The following ARHGAP26 variants were observed in gnomAD, a reference collection of about 807,000 sequenced individuals.
ARHGAP26 encodes rho GTPase-activating protein 26.
ARHGAP26 carries 38 observed loss-of-function variants against 104.8 expected under a neutral mutation model. The ratio of observed to expected loss-of-function variants is 0.36; its 90% CI spans 0.28 to 0.48. The LOEUF (loss-of-function observed/expected upper bound fraction) is 0.48, where lower values mean the gene tolerates loss of function less well. Among genes scored for constraint, ARHGAP26 ranks in the 20% least tolerant of loss-of-function variants. The pLI, the probability that ARHGAP26 is intolerant of heterozygous loss-of-function variation, is 0.99. For missense variants in ARHGAP26, 704 were observed against 947.9 expected, an observed-to-expected ratio of 0.74 and a Z score of 3.38; for synonymous variants, 341 against 340.0, an observed-to-expected ratio of 1.00 and a Z score of -0.03.
chr5:142,893,514 T>C (rs2152430175), intron 5 of ARHGAP26, among the ~76,000 whole-genome samples: 1 of 152,320 alleles, frequency 6.6e-6, no homozygotes, highest in East Asian at 1.9e-4. Flanking sequence ...AACACTTAGG[T>C]TCACTTCATA....
At chr5:143,050,330 T>G (rs535946106) in intron 14 of ARHGAP26, among the ~76,000 whole-genome samples, 2 of 152,290 alleles carry the variant, frequency 1.3e-5, no homozygotes, top group South Asian at 2.1e-4. Context: ...TCCTGTAACC[T>G]TTTTTGTTCT....
chr5:143,195,417 T>G (rs1370443919), intron 20 of ARHGAP26, among the ~76,000 whole-genome samples: 1 of 152,064 alleles, frequency 6.6e-6, no homozygotes, highest in Non-Finnish European at 1.5e-5. Flanking sequence ...ATCTTTTTCC[T>G]CCCCCTAGTC....
intron 5 of ARHGAP26, among the ~76,000 whole-genome samples, chr5:142,889,604 C>T (rs557995997): frequency 2.3e-4 from 35 of 151,872 alleles, no homozygotes; most frequent in African/African-American, 7.5e-4. Context: ...GGCAACAGAG[C>T]GAGACTCTGT....
rs115293134 is a variant in ARHGAP26 at position 142,789,757 on chromosome 5, G to A, written c.154+18842G>A. ...TGCCACTTAGCAGACTCGAACACTTGGGCGGTTCTGGGGTAAACAACAGCA... is the reference window on the plus strand; with the variant it reads ...TGCCACTTAGCAGACTCGAACACTTAGGCGGTTCTGGGGTAAACAACAGCA... On this transcript the variant is annotated intron_variant, in intron 1 of 22. Transcript: ENST00000645722. Among the ~76,000 whole-genome samples, 447 of 152,254 alleles carry A rather than the reference G, an allele frequency of 2.9e-3. 4 individuals are homozygous for A. Among genetic ancestry groups the A allele is most frequent in the African/African-American group, 9.4e-3 (391 of 41,548 alleles).
chr5:143,114,180 A>G (rs77707099), intron 17 of ARHGAP26, among the ~76,000 whole-genome samples: 4,201 of 152,226 alleles, frequency 0.028, 87 homozygotes, highest in Non-Finnish European at 0.043. Flanking sequence ...CATTCCCAGG[A>G]AGATGTTAAA....
intron 18 of ARHGAP26, among the ~76,000 whole-genome samples, chr5:143,122,756 G>A (rs775322512): frequency 1.6e-4 from 25 of 152,208 alleles, no homozygotes; most frequent in Non-Finnish European, 2.2e-4. Context: ...CCTGTTTGGG[G>A]ATTTGCCTGT....
At chr5:142,799,287 A>T (rs1329196034) in intron 1 of ARHGAP26, among the ~76,000 whole-genome samples, 1 of 152,050 alleles carries the variant, frequency 6.6e-6, no homozygotes, top group Non-Finnish European at 1.5e-5. Context: ...TACAACTCAG[A>T]CTATAAGATC....
chr5:142,887,224 G>A (rs1380890498), intron 5 of ARHGAP26, among the ~76,000 whole-genome samples: 1 of 152,194 alleles, frequency 6.6e-6, no homozygotes, highest in Non-Finnish European at 1.5e-5. Flanking sequence ...GGCTGTGAAT[G>A]TCTTCTGAAT....
chr5:142,956,017 A>G (rs775877926), intron 11 of ARHGAP26, among the ~76,000 whole-genome samples: 4 of 152,178 alleles, frequency 2.6e-5, no homozygotes, highest in Admixed American at 6.5e-5. Flanking sequence ...CTTAAAGACA[A>G]CAGGGAATTA....
At chr5:143,006,301 C>T (rs988125698) in intron 11 of ARHGAP26, among the ~76,000 whole-genome samples, 2 of 149,150 alleles carry the variant, frequency 1.3e-5, no homozygotes, top group African/African-American at 2.5e-5. Context: ...ACCAACTCCA[C>T]CTTTAGTGTT....
intron 1 of ARHGAP26, among the ~76,000 whole-genome samples, chr5:142,783,073 A>G (rs191535883): frequency 1.2e-4 from 18 of 152,194 alleles, no homozygotes; most frequent in Non-Finnish European, 7.4e-5. Flanking sequence ...CATTAGGTCT[A>G]AATAGGTCAG....
chr5:143,023,441 A>G (rs1443670035), intron 12 of ARHGAP26, among the ~76,000 whole-genome samples: 3 of 151,760 alleles, frequency 2.0e-5, no homozygotes, highest in East Asian at 3.9e-4. Flanking sequence ...CTGGGCCACT[A>G]TTTTTAAAAG....
chr5:142,958,457 T>C (rs1259482432), intron 11 of ARHGAP26, among the ~76,000 whole-genome samples: 1 of 151,586 alleles, frequency 6.6e-6, no homozygotes, highest in Non-Finnish European at 1.5e-5. Flanking sequence ...GCTTGAGTCT[T>C]GGAGTTTGAG....
At chr5:142,951,004 TCC>T (rs1768274252) in intron 11 of ARHGAP26, among the ~76,000 whole-genome samples, 1 of 8,098 alleles carries the variant, frequency 1.2e-4, no homozygotes, top group Non-Finnish European at 3.0e-4. Flanking sequence ...CCTTTCTCTT[TCC>T]CTTTCCCTTT....
At chr5:143,095,835 G>C (rs966152615) in intron 17 of ARHGAP26, among the ~76,000 whole-genome samples, 4 of 152,218 alleles carry the variant, frequency 2.6e-5, no homozygotes, top group Admixed American at 6.5e-5. Flanking sequence ...GCCTCCCAAA[G>C]TGCTGGGATT....
In ARHGAP26 at chr5:143,057,932, C is replaced by T. The variant is rs754038056; in HGVS notation, c.1538+185C>T. On this transcript the variant is annotated intron_variant, in intron 17 of 22. Transcript: ENST00000645722. The stretch of plus-strand genomic sequence containing the variant: ...AGAACAGCAGCAAATGCCAGATGGC[C>T]TTCCCAGAGGATGCTGGGGAAGTGC... 7.1e-5 allele frequency: 50 copies of T among 704,318 alleles called. No homozygotes were observed. The Admixed American group carries it at 9.9e-4, about 14-fold the overall frequency. The allele number at this position is 704,318 out of a possible 1,614,324, so 43.6% of individuals were successfully genotyped here. A position where few individuals can be genotyped will look rare whatever the true frequency, so the allele number is the denominator to read the frequency against.
At chr5:143,175,141 C>G (rs1018691695) in intron 20 of ARHGAP26, among the ~76,000 whole-genome samples, 7 of 152,168 alleles carry the variant, frequency 4.6e-5, no homozygotes, top group African/African-American at 1.4e-4. Flanking sequence ...TTTAACTGAC[C>G]TAAGGGCTAA....
intron 20 of ARHGAP26, among the ~76,000 whole-genome samples, chr5:143,174,661 A>G (rs1803234178): frequency 1.3e-5 from 2 of 152,242 alleles, no homozygotes; most frequent in South Asian, 2.1e-4. Context: ...AAACATATTC[A>G]TATAATTTAT....
At chr5:142,942,576 A>G (rs1038068576) in intron 11 of ARHGAP26, among the ~76,000 whole-genome samples, 15 of 152,310 alleles carry the variant, frequency 9.8e-5, no homozygotes, top group African/African-American at 3.4e-4. Context: ...AAGTTAATGA[A>G]AATAAAAAGG....
Sources: allele counts gnomAD v4.1 joint callset (sites outside exome capture counted in the v4.1 genomes callset), GRCh38; gene constraint gnomAD v4.1.1; transcripts MANE v1.5; gene names NCBI Gene and HGNC (gene_info 2026-07-23, HGNC 2026-07-21).